The following GRID2 variants were observed in gnomAD, a reference collection of about 807,000 sequenced individuals.
The protein encoded by GRID2 is glutamate ionotropic receptor delta type subunit 2.
Under a neutral mutation model 114.8 loss-of-function variants are expected in GRID2, and 33 were observed. That is an observed-to-expected ratio of 0.29 (90% CI 0.22 to 0.38). The LOEUF is 0.38. GRID2 is among the 10% of genes least tolerant of loss of function. GRID2 has a pLI of 1.00. For synonymous variants in GRID2, 505 were observed against 449.9 expected (o/e 1.12, Z -1.55); for missense variants, 1,184 against 1,257.7 (o/e 0.94, Z 0.89).
chr4:93,696,125 C>T (rs1381376790), intron 14 of GRID2, among the ~76,000 whole-genome samples: 2 of 152,142 alleles, frequency 1.3e-5, no homozygotes, highest in African/African-American at 2.4e-5. Context: ...ACATGTTTTT[C>T]CCAGCTGATG....
At chr4:93,397,811 T>C (rs565657973) in intron 9 of GRID2, among the ~76,000 whole-genome samples, 1 of 152,084 alleles carries the variant, frequency 6.6e-6, no homozygotes, top group East Asian at 1.9e-4. Context: ...CATTTTAGAT[T>C]ACTCTTAATA....
intron 2 of GRID2, among the ~76,000 whole-genome samples, chr4:92,935,854 G>A (rs949527217): frequency 7.4e-6 from 1 of 135,914 alleles, no homozygotes; most frequent in Non-Finnish European, 1.6e-5. Flanking sequence ...ATGGACACAG[G>A]AAGGGGAACA....
intron 9 of GRID2, among the ~76,000 whole-genome samples, chr4:93,421,174 C>T (rs987510636): frequency 1.3e-5 from 2 of 152,138 alleles, no homozygotes; most frequent in African/African-American, 4.8e-5. Flanking sequence ...ATTGTATGTT[C>T]TTTCTAGTTT....
chr4:93,771,683 C>A (rs865916640), intron 15 of GRID2, among the ~76,000 whole-genome samples: 1 of 152,006 alleles, frequency 6.6e-6, no homozygotes, highest in South Asian at 2.1e-4. Flanking sequence ...GAATGAGACG[C>A]CCTGAAAAGG....
intron 2 of GRID2, among the ~76,000 whole-genome samples, chr4:92,691,505 G>A (rs1649816382): frequency 6.6e-6 from 1 of 152,268 alleles, no homozygotes; most frequent in South Asian, 2.1e-4. Context: ...TTGGTCAGAT[G>A]TATGCAAGCA....
intron 2 of GRID2, among the ~76,000 whole-genome samples, chr4:92,944,072 C>G (rs921295668): frequency 5.3e-5 from 8 of 152,174 alleles, no homozygotes; most frequent in African/African-American, 1.9e-4. Context: ...TCTCAGATCT[C>G]CAACTGCATG....
At chr4:93,094,949 C>G (rs1330085380) in intron 3 of GRID2, among the ~76,000 whole-genome samples, 2 of 151,356 alleles carry the variant, frequency 1.3e-5, no homozygotes, top group African/African-American at 4.9e-5. Flanking sequence ...GCTTAAATAG[C>G]AAGAAATTAA....
rs901458213 is a variant in GRID2 at position 92,425,795 on chromosome 4, T to A, written c.88+121051T>A. 2.0e-5 allele frequency among the ~76,000 whole-genome samples: 3 copies of A among 152,134 alleles called. No individual in the cohort carries two copies. In the East Asian group the frequency reaches 5.8e-4, roughly 29 times the overall value. On this transcript the variant is annotated intron_variant, in intron 1 of 15. Coordinates refer to ENST00000282020, the MANE Select transcript of GRID2 (RefSeq NM_001510.4). ...TCAACTTCTCTGTACCTTCATTTAA[T>A]AATTTATGAAAGAGATGAAAAATGC...
intron 2 of GRID2, among the ~76,000 whole-genome samples, chr4:93,042,275 T>TTC (rs533042666): frequency 0.019 from 2,399 of 125,434 alleles, 65 homozygotes; most frequent in East Asian, 0.065. Context: ...CTCTCTCTCT[T>TTC]TCTCTCTCTC....
At chr4:92,580,406 AT>A (rs34400767) in intron 1 of GRID2, among the ~76,000 whole-genome samples, 40,432 of 151,614 alleles carry the variant, frequency 0.27, 5,559 homozygotes, top group Middle Eastern at 0.37. Flanking sequence ...GAAGAGTACC[AT>A]TTTCCTACCT....
chr4:93,010,767 A>ACCAAAATGT (rs1722053363), intron 2 of GRID2, among the ~76,000 whole-genome samples: 1 of 152,192 alleles, frequency 6.6e-6, no homozygotes, highest in African/African-American at 2.4e-5. Context: ...TTTAAGAATT[A>ACCAAAATGT]CCAAAATGTG....
intron 2 of GRID2, among the ~76,000 whole-genome samples, chr4:92,995,548 T>A (rs143819403): frequency 0.03 from 4,555 of 152,274 alleles, 85 homozygotes; most frequent in Middle Eastern, 0.061. Context: ...TTAACTGAAG[T>A]GAAGTAATAA....
downstream of GRID2, among the ~76,000 whole-genome samples, chr4:93,775,489 T>C (rs931195664): frequency 6.6e-5 from 10 of 152,218 alleles, no homozygotes; most frequent in Non-Finnish European, 1.2e-4. Context: ...ATTCCACTTT[T>C]ACACATGGGA....
At chr4:93,118,886 T>C (rs1374767306) in intron 4 of GRID2, among the ~76,000 whole-genome samples, 1 of 152,190 alleles carries the variant, frequency 6.6e-6, no homozygotes, top group Non-Finnish European at 1.5e-5. Context: ...CCTACTGTTT[T>C]CTATACTTTA....
intron 14 of GRID2, among the ~76,000 whole-genome samples, chr4:93,677,494 C>G (rs1376362019): frequency 6.6e-6 from 1 of 152,126 alleles, no homozygotes; most frequent in Non-Finnish European, 1.5e-5. Flanking sequence ...GGTCCCTGAC[C>G]CCTGACCCCC....
chr4:92,651,610 C>T (rs1469857325), intron 2 of GRID2, among the ~76,000 whole-genome samples: 1 of 152,068 alleles, frequency 6.6e-6, no homozygotes, highest in Non-Finnish European at 1.5e-5. Flanking sequence ...CCACATACTT[C>T]CTCCCCAAAT....
chr4:93,016,772 G>A (rs1722785773), intron 2 of GRID2, among the ~76,000 whole-genome samples: 1 of 152,126 alleles, frequency 6.6e-6, no homozygotes, highest in Admixed American at 6.6e-5. Context: ...ACAAATGCAA[G>A]CCATATTAGA....
At chr4:92,382,049 A>G (rs187132205) in intron 1 of GRID2, among the ~76,000 whole-genome samples, 1 of 152,080 alleles carries the variant, frequency 6.6e-6, no homozygotes, top group East Asian at 1.9e-4. Flanking sequence ...GTCAGTGAGC[A>G]TTCCATTAGT....
At chr4:92,621,387 T>C (rs1730267198) in intron 2 of GRID2, among the ~76,000 whole-genome samples, 1 of 151,718 alleles carries the variant, frequency 6.6e-6, no homozygotes, top group African/African-American at 2.4e-5. Flanking sequence ...TTACATTTTG[T>C]GGGAAAAAAA....
Sources: allele counts gnomAD v4.1 joint callset (sites outside exome capture counted in the v4.1 genomes callset), GRCh38; gene constraint gnomAD v4.1.1; transcripts MANE v1.5; gene names NCBI Gene and HGNC (gene_info 2026-07-23, HGNC 2026-07-21).